The following ESYT2 variants were observed in gnomAD, a reference collection of about 807,000 sequenced individuals.
ESYT2 encodes the protein extended synaptotagmin 2.
Under a neutral mutation model 107.2 loss-of-function variants are expected in ESYT2, and 54 were observed. The observed-to-expected ratio is 0.50, with a 90% CI of 0.40 to 0.63. The LOEUF (loss-of-function observed/expected upper bound fraction) is 0.63, where lower values mean the gene tolerates loss of function less well. ESYT2 is among the 30% of genes least tolerant of loss of function. ESYT2 has a pLI of 0.00. For synonymous variants in ESYT2, 491 were observed against 434.1 expected (o/e 1.13, Z -1.63); for missense variants, 1,020 against 1,094.5 (o/e 0.93, Z 0.96).
chr7:158,793,010 C>T (rs1378890137), intron 4 of ESYT2, among the ~76,000 whole-genome samples: 3 of 151,946 alleles, frequency 2.0e-5, no homozygotes, highest in African/African-American at 7.2e-5. Context: ...CCTCGTGATC[C>T]GCCCGCCTCG....
intron 6 of ESYT2, among the ~76,000 whole-genome samples, chr7:158,787,288 T>C (rs1839146109): frequency 6.6e-6 from 1 of 152,194 alleles, no homozygotes; most frequent in Non-Finnish European, 1.5e-5. Context: ...AATGCTTCAA[T>C]ATAAGAAACT....
chr7:158,737,974 C>T (rs6967235), intron 19 of ESYT2, among the ~76,000 whole-genome samples: 36,009 of 151,988 alleles, frequency 0.24, 5,140 homozygotes, highest in East Asian at 0.59. Context: ...AAAATAAATT[C>T]TTCCTGATTA....
chr7:158,808,286 C>A (rs1327616319), intron 1 of ESYT2, among the ~76,000 whole-genome samples: 1 of 152,254 alleles, frequency 6.6e-6, no homozygotes, highest in African/African-American at 2.4e-5. Flanking sequence ...TGAAATCTCA[C>A]TCTGTCCAGC....
Position 158,752,790 on chromosome 7 carries a change from T to C in ESYT2, c.1473A>G (p.Arg491=). 1 of 1,303,848 alleles carries C rather than the reference T, an allele frequency of 7.7e-7. No homozygotes were observed. The highest frequency in any genetic ancestry group is 1.0e-6 in the Non-Finnish European group (1 of 988,810). 80.8% of individuals were successfully genotyped at this position (1,303,848 alleles called of 1,614,324 possible). Residue 491 remains arginine, a synonymous_variant, in exon 14 of 23, where the codon AGA becomes AGG. Transcript: ENST00000275418. ...AGGGAAAACAGTTTACCTTTAAAGC[T>C]CTCTGAACTGCAGTCTTCTTCAAGA... is the stretch of plus-strand genomic sequence containing the variant. The part of the protein sequence containing the change: ...PDVLKKTAVQ[R]ALKSGKKISS...
chr7:158,781,634 A>G (rs1838820138), intron 6 of ESYT2, among the ~76,000 whole-genome samples: 1 of 140,626 alleles, frequency 7.1e-6, no homozygotes, highest in Admixed American at 7.4e-5. Flanking sequence ...TGTGAGAACA[A>G]AGTGAGGTGT....
chr7:158,761,424 C>G (rs1030281472), intron 11 of ESYT2, 72 bp downstream of exon 11: 9 of 1,369,856 alleles, frequency 6.6e-6, no homozygotes, highest in Middle Eastern at 1.8e-4. Context: ...AGGGGTGGTT[C>G]GTGGCTCCTC....
At chr7:158,761,962 T>G (rs1406072414) in intron 10 of ESYT2, among the ~76,000 whole-genome samples, 1 of 152,202 alleles carries the variant, frequency 6.6e-6, no homozygotes, top group Non-Finnish European at 1.5e-5. Flanking sequence ...ACAACTCCAG[T>G]AGGGTTGTGC....
intron 3 of ESYT2, among the ~76,000 whole-genome samples, 157 bp from the exon 4 acceptor site, chr7:158,793,883 C>G (rs1839381429): frequency 6.6e-6 from 1 of 152,290 alleles, no homozygotes; most frequent in South Asian, 2.1e-4. Flanking sequence ...TGATTTTCAG[C>G]TATTTAACAC....
intron 1 of ESYT2, among the ~76,000 whole-genome samples, chr7:158,811,155 T>C (rs185186565): frequency 2.6e-5 from 4 of 151,906 alleles, no homozygotes; most frequent in Admixed American, 2.6e-4. Flanking sequence ...TGACACTGTC[T>C]CTTAAAAAAT....
chr7:158,773,244 A>C, intron 7 of ESYT2, 97 bp downstream of exon 7: 1 of 1,320,194 alleles, frequency 7.6e-7, no homozygotes, highest in Non-Finnish European at 1.1e-6. Flanking sequence ...CACCTGGCAG[A>C]CGCAGGTCTT....
intron 1 of ESYT2, among the ~76,000 whole-genome samples, chr7:158,812,977 G>A (rs893502875): frequency 6.6e-6 from 1 of 152,174 alleles, no homozygotes; most frequent in African/African-American, 2.4e-5. Context: ...TCCTTTTAGG[G>A]CAGAGAAAAT....
chr7:158,748,153 T>G, intron 16 of ESYT2, 41 bp downstream of exon 16: 2 of 1,583,512 alleles, frequency 1.3e-6, no homozygotes, highest in Non-Finnish European at 1.7e-6. Flanking sequence ...AAAAAGTCAA[T>G]TATTTGTCAA....
intron 14 of ESYT2, among the ~76,000 whole-genome samples, chr7:158,751,055 C>G (rs1408972740): frequency 6.6e-6 from 1 of 152,146 alleles, no homozygotes; most frequent in East Asian, 1.9e-4. Context: ...TTGACTGCAC[C>G]TTGTCAATTT....
chr7:158,808,079 G>T (rs1337723981), intron 1 of ESYT2, among the ~76,000 whole-genome samples: 1 of 152,138 alleles, frequency 6.6e-6, no homozygotes, highest in Non-Finnish European at 1.5e-5. Context: ...TAACATTGGG[G>T]TAACTAAAGT....
intron 1 of ESYT2, among the ~76,000 whole-genome samples, chr7:158,807,226 G>A (rs963908262): frequency 6.8e-6 from 1 of 146,304 alleles, no homozygotes; most frequent in African/African-American, 2.6e-5. Flanking sequence ...ACTCCAGCCT[G>A]GGCGACAGAG....
chr7:158,819,085 A>G (rs770800531), intron 1 of ESYT2, among the ~76,000 whole-genome samples: 1 of 152,262 alleles, frequency 6.6e-6, no homozygotes, highest in Non-Finnish European at 1.5e-5. Flanking sequence ...ACTTTAATAT[A>G]CCAACACAGC....
At chr7:158,815,878 T>C (rs1345034781) in intron 1 of ESYT2, among the ~76,000 whole-genome samples, 2 of 152,128 alleles carry the variant, frequency 1.3e-5, no homozygotes, top group Non-Finnish European at 2.9e-5. Flanking sequence ...GTAAAATAAA[T>C]CTGATTTCTG....
At chr7:158,773,524 T>A in intron 6 of ESYT2, 128 bp from the exon 7 acceptor site, 1 of 807,894 alleles carries the variant, frequency 1.2e-6, no homozygotes, top group African/African-American at 1.8e-5. Context: ...CCCTTCATCC[T>A]TCGTAATATA....
At chr7:158,788,118 T>C (rs1397111358) in intron 5 of ESYT2, 25 bp from the exon 6 acceptor site, 3 of 1,589,056 alleles carry the variant, frequency 1.9e-6, no homozygotes, top group Non-Finnish European at 2.6e-6. Context: ...GAAACCAAAA[T>C]ATGTAATAGA....
Sources: allele counts gnomAD v4.1 joint callset (sites outside exome capture counted in the v4.1 genomes callset), GRCh38; gene constraint gnomAD v4.1.1; transcripts MANE v1.5; gene names NCBI Gene and HGNC (gene_info 2026-07-23, HGNC 2026-07-21).